Variants in STK24 observed in about 807,000 individuals in gnomAD.
STK24 encodes the protein serine/threonine kinase 24.
In STK24, 21 loss-of-function variants were observed where a neutral mutation model predicts 55.6. The ratio of observed to expected loss-of-function variants is 0.38; its 90% CI spans 0.27 to 0.54. The LOEUF (loss-of-function observed/expected upper bound fraction) is 0.54, where lower values mean the gene tolerates loss of function less well. Among genes scored for constraint, STK24 ranks in the 20% least tolerant of loss-of-function variants. The probability of loss-of-function intolerance (pLI) is 0.79; values close to 1 mark genes in which losing one functional copy is unlikely to be tolerated. For synonymous variants in STK24, 200 were observed against 215.2 expected (o/e 0.93, Z 0.62); for missense variants, 383 against 538.4 (o/e 0.71, Z 2.86).
At chr13:98,573,614 A>G (rs1328847698) in intron 1 of STK24, among the ~76,000 whole-genome samples, 1 of 152,256 alleles carries the variant, frequency 6.6e-6, no homozygotes, top group African/African-American at 2.4e-5. Flanking sequence ...CTGGCACATG[A>G]AAGTTCAATA....
chr13:98,447,076 A>C lies in STK24; in HGVS notation c.*6097T>G. 2 of 460,344 alleles carry C rather than the reference A, an allele frequency of 4.3e-6. No individual in the cohort carries two copies. The highest frequency in any genetic ancestry group is 4.0e-6 in the Non-Finnish European group (1 of 252,716). 28.5% of individuals were successfully genotyped at this position (460,344 alleles called of 1,614,324 possible). A position where few individuals can be genotyped will look rare whatever the true frequency, so the allele number is the denominator to read the frequency against. ...CATCTTGCTTGGAGATCTCTGACATAACGTGTCCGGGATGATGAAGCTAAG... is the reference window on the plus strand; with the variant it reads ...CATCTTGCTTGGAGATCTCTGACATCACGTGTCCGGGATGATGAAGCTAAG... On this transcript the variant is annotated 3_prime_UTR_variant, in exon 11 of 11. Coordinates refer to ENST00000539966, the MANE Select transcript of STK24 (RefSeq NM_001032296.4).
intron 1 of STK24, among the ~76,000 whole-genome samples, chr13:98,526,009 A>G (rs1025955863): frequency 2.0e-5 from 3 of 152,194 alleles, no homozygotes; most frequent in African/African-American, 7.2e-5. Context: ...CCTGAAGGAC[A>G]GGCTTTGGTT....
At chr13:98,558,242 T>C (rs1443126429) in intron 1 of STK24, among the ~76,000 whole-genome samples, 1 of 152,158 alleles carries the variant, frequency 6.6e-6, no homozygotes, top group East Asian at 1.9e-4. Flanking sequence ...ACCTATTAGA[T>C]ATCTATTCAG....
rs11316359 is a variant in STK24 at position 98,569,413 on chromosome 13, CAA to C, written c.42+7330_42+7331del. The stretch of plus-strand genomic sequence containing the variant: ...CCAAGAAAGAAAATGACAGCAGAGA[CAA>C]AAAAAAAAAAACAAAAAAAAACAAA... On this transcript the variant is annotated intron_variant, in intron 1 of 10. Transcript: ENST00000539966. Among the ~76,000 whole-genome samples the C allele has an allele frequency of 2.8e-3, 362 of 127,142 alleles. 3 individuals are homozygous for C. The highest frequency in any genetic ancestry group is 9.3e-3 in the African/African-American group (308 of 33,290). The allele number at this position is 127,142 out of a possible 152,430, so 83.4% of individuals were successfully genotyped here. A position where few individuals can be genotyped will look rare whatever the true frequency, so the allele number is the denominator to read the frequency against.
chr13:98,480,520 C>T (rs946485089), intron 3 of STK24, among the ~76,000 whole-genome samples: 1 of 152,138 alleles, frequency 6.6e-6, no homozygotes, highest in Non-Finnish European at 1.5e-5. Flanking sequence ...AAAGTAATCC[C>T]ACTACATTGC....
intron 5 of STK24, among the ~76,000 whole-genome samples, chr13:98,469,165 C>T (rs1011923258): frequency 6.6e-6 from 1 of 152,248 alleles, no homozygotes; most frequent in African/African-American, 2.4e-5. Context: ...GGGAAGTTCA[C>T]TGAGAAAACC....
chr13:98,515,207 G>A (rs1393444844), intron 2 of STK24, among the ~76,000 whole-genome samples: 8 of 151,714 alleles, frequency 5.3e-5, no homozygotes, highest in African/African-American at 9.7e-5. Context: ...TCCTGTTCTC[G>A]TTACAATTAT....
chr13:98,576,918 T>A lies in STK24; in HGVS notation c.-132A>T. 1 of 439,924 alleles carries A rather than the reference T, an allele frequency of 2.3e-6. No individual in the cohort carries two copies. Among genetic ancestry groups the A allele is most frequent in the Non-Finnish European group, 3.0e-6 (1 of 335,276 alleles). The allele number at this position is 439,924 out of a possible 1,614,324, so 27.3% of individuals were successfully genotyped here. ...CCGGAGCCCGAGGCCACCCCAGCCC[T>A]GGCGGGTCCCGGCCGGGCGGCGGGG... On this transcript the variant is annotated 5_prime_UTR_variant, in exon 1 of 11. Transcript: ENST00000539966.
chr13:98,532,520 A>G (rs1896608618), intron 1 of STK24, among the ~76,000 whole-genome samples: 3 of 151,614 alleles, frequency 2.0e-5, no homozygotes, highest in African/African-American at 7.3e-5. Context: ...CATCCCACAC[A>G]CACATCCCAT....
intron 1 of STK24, among the ~76,000 whole-genome samples, chr13:98,561,942 A>G (rs1030049826): frequency 2.2e-5 from 3 of 136,404 alleles, no homozygotes; most frequent in Non-Finnish European, 4.5e-5. Context: ...CCACCATTGC[A>G]CTCCAGCCTG....
intron 1 of STK24, among the ~76,000 whole-genome samples, chr13:98,569,075 C>T (rs150382982): frequency 4.7e-4 from 72 of 152,218 alleles, no homozygotes; most frequent in African/African-American, 1.6e-3. Context: ...CACTCCAAGC[C>T]ACATCATTGT....
At chr13:98,570,777 A>G (rs560827009) in intron 1 of STK24, among the ~76,000 whole-genome samples, 24 of 152,354 alleles carry the variant, frequency 1.6e-4, no homozygotes, top group African/African-American at 5.8e-4. Flanking sequence ...AGTCACCCTC[A>G]GGAGGCAGGT....
intron 5 of STK24, among the ~76,000 whole-genome samples, chr13:98,469,803 G>A (rs2139275087): frequency 6.6e-6 from 1 of 152,290 alleles, no homozygotes; most frequent in East Asian, 1.9e-4. Flanking sequence ...TCTCCCACCA[G>A]ACATCTAACT....
At chr13:98,456,763 T>C (rs544351490) in intron 10 of STK24, 2 of 353,686 alleles carry the variant, frequency 5.7e-6, no homozygotes, top group African/African-American at 2.1e-5. Context: ...TCCCGCTGAG[T>C]TGACCACACC....
rs201423839 is a variant in STK24, at chr13:98,450,043, T to A, written c.*3130A>T. 2.6e-4 allele frequency: 22 copies of A among 83,756 alleles called. No individual in the cohort carries two copies. The highest frequency in any genetic ancestry group is 7.2e-4 in the African/African-American group (18 of 24,892). The allele number at this position is 83,756 out of a possible 1,614,324, so 5.2% of individuals were successfully genotyped here. A position where few individuals can be genotyped will look rare whatever the true frequency, so the allele number is the denominator to read the frequency against. Reference sequence around the variant, plus strand: ...TCCTCAGCTATTTATTTCTGAATGATTGATTGATTCCAAACTACTTGCTGG... The same window carrying A: ...TCCTCAGCTATTTATTTCTGAATGAATGATTGATTCCAAACTACTTGCTGG... On this transcript the variant is annotated 3_prime_UTR_variant, in exon 11 of 11. Transcript: ENST00000539966.
chr13:98,469,575 C>T (rs1594583465), intron 5 of STK24, among the ~76,000 whole-genome samples: 1 of 151,790 alleles, frequency 6.6e-6, no homozygotes, highest in African/African-American at 2.4e-5. Flanking sequence ...GGAGGACATC[C>T]TACTAGGTAG....
At chr13:98,474,651 C>A (rs1365878915) in intron 5 of STK24, among the ~76,000 whole-genome samples, 170 bp downstream of exon 5, 3 of 152,180 alleles carry the variant, frequency 2.0e-5, no homozygotes, top group African/African-American at 7.2e-5. Context: ...AATGATACAG[C>A]AGGAGACAGA....
At chr13:98,574,185 G>T (rs1350153964) in intron 1 of STK24, among the ~76,000 whole-genome samples, 1 of 151,940 alleles carries the variant, frequency 6.6e-6, no homozygotes, top group Non-Finnish European at 1.5e-5. Flanking sequence ...CTAATTTTTT[G>T]GATTTTTAGT....
chr13:98,564,741 T>C, intron 1 of STK24, among the ~76,000 whole-genome samples: 1 of 152,104 alleles, frequency 6.6e-6, no homozygotes, highest in Non-Finnish European at 1.5e-5. Flanking sequence ...ATGCACTCCT[T>C]ATGAAATAAG....
Sources: allele counts gnomAD v4.1 joint callset (sites outside exome capture counted in the v4.1 genomes callset), GRCh38; gene constraint gnomAD v4.1.1; transcripts MANE v1.5; gene names NCBI Gene and HGNC (gene_info 2026-07-23, HGNC 2026-07-21).